Variants in GRM7 observed in about 807,000 individuals in gnomAD.
GRM7 encodes the protein metabotropic glutamate receptor 7.
GRM7 carries 35 observed loss-of-function variants against 84.5 expected under a neutral mutation model. That is an observed-to-expected ratio of 0.41 (90% CI 0.32 to 0.55). The LOEUF (loss-of-function observed/expected upper bound fraction) is 0.55. Ranked by LOEUF, GRM7 falls within the 20% of genes least tolerant of loss-of-function variation. GRM7 has a pLI of 0.19. For missense variants in GRM7, 1,003 were observed against 1,194.6 expected, an observed-to-expected ratio of 0.84 and a Z score of 2.36; for synonymous variants, 487 against 455.1, an observed-to-expected ratio of 1.07 and a Z score of -0.89.
chr3:7,462,122 G>A (rs1454580594), intron 7 of GRM7, among the ~76,000 whole-genome samples: 1 of 151,950 alleles, frequency 6.6e-6, no homozygotes, highest in Non-Finnish European at 1.5e-5. Flanking sequence ...AGACATTTGA[G>A]TGTATTTATG....
intron 8 of GRM7, among the ~76,000 whole-genome samples, chr3:7,646,084 G>A (rs929743989): frequency 6.6e-6 from 1 of 152,202 alleles, no homozygotes; most frequent in Non-Finnish European, 1.5e-5. Context: ...TAATGCAAAA[G>A]AGAAGTCTTG....
At chr3:6,900,345 C>G (rs935016635) in intron 1 of GRM7, among the ~76,000 whole-genome samples, 39 of 152,156 alleles carry the variant, frequency 2.6e-4, no homozygotes, top group African/African-American at 9.2e-4. Flanking sequence ...GGCGTGAAAT[C>G]AGTTGTTTTA....
intron 2 of GRM7, among the ~76,000 whole-genome samples, chr3:7,221,506 A>T (rs1040393823): frequency 6.6e-6 from 1 of 152,034 alleles, no homozygotes; most frequent in Non-Finnish European, 1.5e-5. Flanking sequence ...ATATGTAAAA[A>T]TATTTGCTTT....
chr3:7,261,740 T>C (rs114814316), intron 2 of GRM7, among the ~76,000 whole-genome samples: 5,159 of 152,278 alleles, frequency 0.034, 159 homozygotes, highest in African/African-American at 0.084. Context: ...GTCTTTCCTT[T>C]CCATACTTAG....
intron 8 of GRM7, among the ~76,000 whole-genome samples, chr3:7,635,811 C>G (rs1274959153): frequency 6.6e-6 from 1 of 151,952 alleles, no homozygotes; most frequent in African/African-American, 2.4e-5. Context: ...GTATCTGGGA[C>G]TACAGACATA....
At chr3:7,258,062 G>T (rs1466665434) in intron 2 of GRM7, among the ~76,000 whole-genome samples, 5 of 151,424 alleles carry the variant, frequency 3.3e-5, no homozygotes, top group African/African-American at 9.7e-5. Context: ...ATTTTTTTTT[G>T]ATTCAGGCTA....
At chr3:7,547,395 A>G (rs1255143557) in intron 7 of GRM7, among the ~76,000 whole-genome samples, 1 of 151,522 alleles carries the variant, frequency 6.6e-6, no homozygotes, top group Non-Finnish European at 1.5e-5. Context: ...TTTAGTAGAG[A>G]TGGGGTTTCA....
In GRM7 at chr3:7,045,386, T is replaced by A. The variant is rs562162968; in HGVS notation, c.520-101066T>A. On this transcript the variant is annotated intron_variant, in intron 1 of 9. Coordinates refer to ENST00000357716, the MANE Select transcript of GRM7 (RefSeq NM_000844.4). Reference sequence around the variant, plus strand: ...AGGTCTCACTTTGCATGGAAGAAGATCTAGTATTTCTTTCTTTAAGGATAA... The same window carrying A: ...AGGTCTCACTTTGCATGGAAGAAGAACTAGTATTTCTTTCTTTAAGGATAA... 2.6e-5 allele frequency among the ~76,000 whole-genome samples: 4 copies of A among 152,212 alleles called. No homozygotes were observed. In the East Asian group the frequency reaches 7.7e-4, roughly 29 times the overall value.
At chr3:7,677,322 G>T in intron 8 of GRM7, among the ~76,000 whole-genome samples, 1 of 147,582 alleles carries the variant, frequency 6.8e-6, no homozygotes, top group Non-Finnish European at 1.5e-5. Context: ...AATACTATGT[G>T]CTAGGCCCTA....
At position 7,195,149 on chromosome 3, in the gene GRM7, A is replaced by G. The variant is rs79514503; in HGVS notation, c.736+48481A>G. On this transcript the variant is annotated intron_variant, in intron 2 of 9. Transcript: ENST00000357716. ...TATACATGATGATGATAAAACCCCAATATTGTTCATGCTATTTTTAAACAA... is the reference window on the plus strand; with the variant it reads ...TATACATGATGATGATAAAACCCCAGTATTGTTCATGCTATTTTTAAACAA... 1.8e-4 allele frequency among the ~76,000 whole-genome samples: 27 copies of G among 152,280 alleles called. No individual in the cohort carries two copies. The East Asian group carries it at 5.2e-3, about 29-fold the overall frequency.
At chr3:7,712,030 A>G (rs1701596904) in intron 9 of GRM7, among the ~76,000 whole-genome samples, 1 of 152,146 alleles carries the variant, frequency 6.6e-6, no homozygotes, top group Non-Finnish European at 1.5e-5. Context: ...CGCTGTACCC[A>G]TCACAGCTCT....
At chr3:7,448,945 G>A (rs573503034) in intron 5 of GRM7, among the ~76,000 whole-genome samples, 5 of 151,756 alleles carry the variant, frequency 3.3e-5, no homozygotes, top group Non-Finnish European at 5.9e-5. Context: ...AAATGCCTCC[G>A]AGATTGCCTT....
chr3:7,497,427 G>T (rs898943021), intron 7 of GRM7, among the ~76,000 whole-genome samples: 2 of 152,044 alleles, frequency 1.3e-5, no homozygotes, highest in Non-Finnish European at 2.9e-5. Flanking sequence ...ATGATCAAAA[G>T]CAACTGGTTT....
chr3:7,484,143 AAAAT>A (rs1461219892), intron 7 of GRM7, among the ~76,000 whole-genome samples: 1 of 152,240 alleles, frequency 6.6e-6, no homozygotes, highest in Non-Finnish European at 1.5e-5. Flanking sequence ...CTGTAAATAT[AAAAT>A]AAAGACTTAT....
intron 1 of GRM7, among the ~76,000 whole-genome samples, chr3:7,068,353 G>T (rs1697741839): frequency 6.6e-6 from 1 of 151,942 alleles, no homozygotes; most frequent in South Asian, 2.1e-4. Context: ...CATAATGTGG[G>T]AATCACATCG....
intron 1 of GRM7, among the ~76,000 whole-genome samples, chr3:6,983,095 C>T (rs1030442102): frequency 6.6e-5 from 10 of 152,082 alleles, no homozygotes; most frequent in African/African-American, 2.4e-4. Flanking sequence ...TCTGCTTTTC[C>T]TTTAGAAATG....
At chr3:7,243,111 G>C (rs1697622517) in intron 2 of GRM7, among the ~76,000 whole-genome samples, 1 of 152,118 alleles carries the variant, frequency 6.6e-6, no homozygotes, top group Non-Finnish European at 1.5e-5. Context: ...CTAACATTTT[G>C]AGGTTGTTAG....
At chr3:7,247,602 T>TTAA (rs1491271809) in intron 2 of GRM7, among the ~76,000 whole-genome samples, 8 of 102,614 alleles carry the variant, frequency 7.8e-5, no homozygotes, top group African/African-American at 2.7e-4. Context: ...TCTTTTTTTT[T>TTAA]AAAAAAAAAA....
At chr3:7,585,904 T>C (rs1695497223) in intron 8 of GRM7, among the ~76,000 whole-genome samples, 1 of 152,194 alleles carries the variant, frequency 6.6e-6, no homozygotes, top group Admixed American at 6.5e-5. Context: ...CTCCATAGAC[T>C]ATAGGTCACA....
Sources: gnomAD v4.1 joint callset for allele counts (sites outside exome capture counted in the v4.1 genomes callset) on GRCh38, gnomAD v4.1.1 for gene constraint, MANE v1.5 for transcripts, NCBI Gene and HGNC (gene_info 2026-07-23, HGNC 2026-07-21) for gene names.